The following PARD3 variants were observed in gnomAD, a reference collection of about 807,000 sequenced individuals.
PARD3 encodes the protein par-3 family cell polarity regulator, also known as partitioning defective 3 homolog.
Under a neutral mutation model 155.4 loss-of-function variants are expected in PARD3, and 75 were observed. The observed-to-expected ratio is 0.48, with a 90% confidence interval of 0.40 to 0.58. The LOEUF is 0.58. PARD3 is among the 20% of genes least tolerant of loss of function. The pLI is 0.00. For synonymous variants in PARD3, 576 were observed against 610.5 expected (o/e 0.94, Z 0.83); for missense variants, 1,642 against 1,721.7 (o/e 0.95, Z 0.82).
intron 2 of PARD3, among the ~76,000 whole-genome samples, chr10:34,666,794 A>AAAAAAAAAAT (rs1590519719): frequency 3.5e-5 from 3 of 84,954 alleles, no homozygotes; most frequent in Non-Finnish European, 6.6e-5. Flanking sequence ...AAAAAAAAAA[A>AAAAAAAAAAT]AAATATATAT....
At chr10:34,684,378 T>C (rs944941451) in intron 2 of PARD3, among the ~76,000 whole-genome samples, 2 of 152,186 alleles carry the variant, frequency 1.3e-5, no homozygotes, top group African/African-American at 4.8e-5. Context: ...AGATTTATAT[T>C]GGATTCACAG....
chr10:34,644,681 A>G (rs918100653), intron 2 of PARD3, among the ~76,000 whole-genome samples: 2 of 152,188 alleles, frequency 1.3e-5, no homozygotes, highest in African/African-American at 4.8e-5. Flanking sequence ...AACTATGAAA[A>G]GCCTTTATGT....
intron 2 of PARD3, among the ~76,000 whole-genome samples, chr10:34,590,535 G>A (rs2088579031): frequency 6.6e-6 from 1 of 152,116 alleles, no homozygotes; most frequent in Non-Finnish European, 1.5e-5. Flanking sequence ...ACTGGGAGTG[G>A]GCAGAGTGGT....
At chr10:34,432,041 CAAAAAAAAAAAA>C (rs142848273) in intron 5 of PARD3, among the ~76,000 whole-genome samples, 1,399 of 21,672 alleles carry the variant, frequency 0.065, 37 homozygotes, top group African/African-American at 0.15. Context: ...GACTCTGTCT[CAAAAAAAAAAAA>C]AAAAAAAAAA....
In PARD3 at chr10:34,131,600, G is replaced by C; in HGVS notation, c.3420-17C>G. Reference sequence around the variant, plus strand: ...GATCTGTTACTGAAAGAGAGATGAGGCAGCAGTGAATACCCTTCAGAAATA... The same window carrying C: ...GATCTGTTACTGAAAGAGAGATGAGCCAGCAGTGAATACCCTTCAGAAATA... On this transcript the variant is annotated splice_polypyrimidine_tract_variant and intron_variant, in intron 22 of 24. Transcript: ENST00000374788. 1 of 1,612,432 alleles carries C rather than the reference G, an allele frequency of 6.2e-7. No individual in the cohort carries two copies. Among genetic ancestry groups the C allele is most frequent in the Non-Finnish European group, 8.5e-7 (1 of 1,178,660 alleles).
At chr10:34,336,133 T>A in intron 18 of PARD3, 66 bp downstream of exon 18, 1 of 1,153,516 alleles carries the variant, frequency 8.7e-7, no homozygotes, top group Non-Finnish European at 1.3e-6. Context: ...GATTGGCAGC[T>A]CTATAATTGT....
At position 34,399,324 on chromosome 10, in the gene PARD3, C is replaced by T. The variant is rs747464891; in HGVS notation, c.890+6G>A. 5 of 1,569,298 alleles carry T rather than the reference C, an allele frequency of 3.2e-6. No homozygotes were observed. Among genetic ancestry groups the T allele is most frequent in the South Asian group, 1.1e-5 (1 of 90,194 alleles). On this transcript the variant is annotated splice_donor_region_variant and intron_variant, in intron 7 of 24. Coordinates refer to ENST00000374788, the MANE Select transcript of PARD3 (RefSeq NM_001184785.2). ...GATTCAATTAAAAACCTCCAAGATA[C>T]GTTACCTGCCGCCTCGAGCACTGAA...
At chr10:34,734,987 G>GAA (rs1554822503) in intron 1 of PARD3, among the ~76,000 whole-genome samples, 27 of 131,888 alleles carry the variant, frequency 2.0e-4, no homozygotes, top group African/African-American at 6.3e-4. Context: ...GGGCTTATGG[G>GAA]AAAAAAAAAA....
At chr10:34,507,689 C>G (rs1440876353) in intron 3 of PARD3, among the ~76,000 whole-genome samples, 1 of 152,044 alleles carries the variant, frequency 6.6e-6, no homozygotes, top group Non-Finnish European at 1.5e-5. Flanking sequence ...CACCACCAAC[C>G]CTGCAATTAG....
At chr10:34,144,234 T>C (rs897003569) in intron 22 of PARD3, among the ~76,000 whole-genome samples, 20 of 152,200 alleles carry the variant, frequency 1.3e-4, no homozygotes, top group Non-Finnish European at 2.9e-5. Context: ...GTGCATAGTT[T>C]ATATTTTAAA....
intron 5 of PARD3, among the ~76,000 whole-genome samples, chr10:34,405,657 T>C (rs1844388199): frequency 6.6e-6 from 1 of 152,206 alleles, no homozygotes; most frequent in African/African-American, 2.4e-5. Flanking sequence ...ATTTTTACAA[T>C]ACCTGAAAGC....
intron 19 of PARD3, among the ~76,000 whole-genome samples, chr10:34,324,739 G>A (rs1247954107): frequency 1.3e-5 from 2 of 152,134 alleles, no homozygotes; most frequent in Non-Finnish European, 2.9e-5. Flanking sequence ...CCAAGTTTCT[G>A]AGCCTGGAAG....
At chr10:34,506,873 G>T (rs1041201421) in intron 3 of PARD3, among the ~76,000 whole-genome samples, 5 of 152,176 alleles carry the variant, frequency 3.3e-5, no homozygotes, top group Admixed American at 2.0e-4. Context: ...TTTTATTGGT[G>T]TTATTTAAAT....
At chr10:34,138,918 C>A (rs1444520732) in intron 22 of PARD3, among the ~76,000 whole-genome samples, 1 of 150,586 alleles carries the variant, frequency 6.6e-6, no homozygotes, top group Admixed American at 6.6e-5. Flanking sequence ...AAGTTAATTT[C>A]CAAATTGTAT....
chr10:34,145,213 ATATATATATTTTTT>A (rs1458667737), intron 22 of PARD3, among the ~76,000 whole-genome samples: 1 of 64,042 alleles, frequency 1.6e-5, no homozygotes, highest in Admixed American at 1.5e-4. Flanking sequence ...ATATATATAT[ATATATATATTTTTT>A]TTTTTTTTTT....
intron 24 of PARD3, among the ~76,000 whole-genome samples, chr10:34,115,634 T>G (rs1025287998): frequency 2.6e-5 from 4 of 152,210 alleles, no homozygotes; most frequent in Non-Finnish European, 5.9e-5. Context: ...AATTCTTTTA[T>G]GCTATATTCA....
chr10:34,162,400 T>G (rs1409958975), intron 22 of PARD3, among the ~76,000 whole-genome samples: 4 of 152,192 alleles, frequency 2.6e-5, no homozygotes, highest in Non-Finnish European at 2.9e-5. Flanking sequence ...TTCCACTCAC[T>G]CTTCGATGTC....
intron 5 of PARD3, among the ~76,000 whole-genome samples, chr10:34,445,880 C>T (rs1050704399): frequency 6.6e-5 from 10 of 151,930 alleles, no homozygotes; most frequent in African/African-American, 2.4e-5. Context: ...ACAGATCTGA[C>T]TGTGTGAAGT....
intron 20 of PARD3, among the ~76,000 whole-genome samples, chr10:34,290,510 T>G (rs1956626986): frequency 6.6e-6 from 1 of 152,176 alleles, no homozygotes; most frequent in Non-Finnish European, 1.5e-5. Context: ...GGGAAGAGAA[T>G]TTAAAATGAA....
Sources: gnomAD v4.1 joint callset for allele counts (sites outside exome capture counted in the v4.1 genomes callset) on GRCh38, gnomAD v4.1.1 for gene constraint, MANE v1.5 for transcripts, NCBI Gene and HGNC (gene_info 2026-07-23, HGNC 2026-07-21) for gene names.